NOMO3: variants seen among roughly 807,000 people sequenced by gnomAD.
The protein encoded by NOMO3 is BOS complex subunit NOMO3.
In NOMO3, 15 loss-of-function variants were observed where a neutral mutation model predicts 69.9. The observed-to-expected ratio is 0.21, with a 90% CI of 0.14 to 0.33. The LOEUF is 0.33. Ranked by LOEUF, NOMO3 falls within the 10% of genes least tolerant of loss-of-function variation. The pLI is 1.00. For missense variants in NOMO3, 218 were observed against 761.0 expected, an observed-to-expected ratio of 0.29 and a Z score of 8.39; for synonymous variants, 89 against 301.9, an observed-to-expected ratio of 0.29 and a Z score of 7.31.
chr16:16,234,019 A>G (rs2049304715), intron 1 of NOMO3, among the ~76,000 whole-genome samples: 1 of 150,002 alleles, frequency 6.7e-6, no homozygotes, highest in Non-Finnish European at 1.5e-5. Context: ...CAGCAGATAC[A>G]TTTCTTTAAC....
Position 16,263,106 on chromosome 16 carries a change from G to A in NOMO3, c.1428G>A (p.Gly476=), listed in dbSNP as rs765096408. 37 of 1,594,306 alleles carry A rather than the reference G, an allele frequency of 2.3e-5. 1 individual carries two copies. Among genetic ancestry groups the A allele is most frequent in the Non-Finnish European group, 3.1e-5 (36 of 1,177,698 alleles). The stretch of plus-strand genomic sequence containing the variant: ...TTCCTGAGGCAGAAACCAGAGCAGG[G>A]CTGACGTTGAAACCCCAGACATTTC... ...VMVPEAETRA[G]LTLKPQTFPL... The change falls in exon 13 of 31, where the codon GGG becomes GGA. Residue 476 remains glycine (G), a synonymous_variant. Coordinates refer to ENST00000399336, the MANE Select transcript of NOMO3 (RefSeq NM_001004067.4).
chr16:16,259,464 C>T (rs2049545981), intron 11 of NOMO3, among the ~76,000 whole-genome samples: 1 of 137,010 alleles, frequency 7.3e-6, no homozygotes, highest in Non-Finnish European at 1.5e-5. Flanking sequence ...TTCTCCTGCC[C>T]CAGCCTCCTG....
chr16:16,263,801 C>G (rs2049586551), intron 14 of NOMO3, among the ~76,000 whole-genome samples, 157 bp downstream of exon 14: 1 of 45,164 alleles, frequency 2.2e-5, no homozygotes, highest in Non-Finnish European at 4.4e-5. Flanking sequence ...TAGCGTTGGA[C>G]AAGCATGGAG....
At chr16:16,234,914 G>A (rs7206386) in intron 1 of NOMO3, among the ~76,000 whole-genome samples, 148,949 of 152,012 alleles carry the variant, frequency 0.98, 73,041 homozygotes, top group East Asian at 1. Flanking sequence ...AAAGCCAGCC[G>A]ATCTTTAGGC....
chr16:16,237,304 C>T (rs1186483714), intron 2 of NOMO3, among the ~76,000 whole-genome samples: 6 of 144,184 alleles, frequency 4.2e-5, no homozygotes, highest in Non-Finnish European at 8.9e-5. Context: ...GTGCTGCCTA[C>T]GACAGCCCAG....
intron 11 of NOMO3, among the ~76,000 whole-genome samples, chr16:16,260,505 A>G (rs399351): frequency 4.9e-5 from 7 of 143,104 alleles, no homozygotes; most frequent in Non-Finnish European, 1.0e-4. Context: ...TGTTTTTCAT[A>G]ATTCCTAGAT....
chr16:16,253,431 T>G, intron 9 of NOMO3, among the ~76,000 whole-genome samples: 2 of 125,634 alleles, frequency 1.6e-5, no homozygotes, highest in Non-Finnish European at 3.1e-5. Context: ...GAGGCAGGAG[T>G]GTGCTGAAGG....
intron 15 of NOMO3, among the ~76,000 whole-genome samples, chr16:16,265,651 T>G (rs959598491): frequency 6.3e-5 from 2 of 31,754 alleles, no homozygotes; most frequent in African/African-American, 2.5e-4. Flanking sequence ...TATATATATA[T>G]ATATATATAT....
At chr16:16,234,570 A>C (rs1213837280) in intron 1 of NOMO3, among the ~76,000 whole-genome samples, 3 of 139,878 alleles carry the variant, frequency 2.1e-5, no homozygotes, top group Non-Finnish European at 4.6e-5. Flanking sequence ...AGAAACAATC[A>C]TGATATTTCA....
In NOMO3 at chr16:16,265,441, T is replaced by C. The variant is rs55794226; in HGVS notation, c.1806+262T>C. Among the ~76,000 whole-genome samples, 279 of 130,156 alleles carry C rather than the reference T, an allele frequency of 2.1e-3. 1 individual carries two copies. The highest frequency in any genetic ancestry group is 5.6e-3 in the African/African-American group (156 of 28,028). 85.4% of individuals were successfully genotyped at this position (130,156 alleles called of 152,430 possible). A position where few individuals can be genotyped will look rare whatever the true frequency, so the allele number is the denominator to read the frequency against. Reference sequence around the variant, plus strand: ...ATTCGGGGTGACCTTTGGTACAGTGTAGAGCACACTGGCTTTATATTATTA... The same window carrying C: ...ATTCGGGGTGACCTTTGGTACAGTGCAGAGCACACTGGCTTTATATTATTA... On this transcript the variant is annotated intron_variant, in intron 15 of 30. Transcript: ENST00000399336.
At chr16:16,248,065 CATTT>C (rs1295652804) in intron 6 of NOMO3, among the ~76,000 whole-genome samples, 3 of 97,376 alleles carry the variant, frequency 3.1e-5, no homozygotes, top group Non-Finnish European at 3.7e-5. Flanking sequence ...TTGTGATAAT[CATTT>C]ATGGATACAG....
rs766069098 is a variant in NOMO3, at chr16:16,263,189, C to T, written c.1511C>T (p.Ser504Leu). 10 of 1,592,978 alleles carry T rather than the reference C, an allele frequency of 6.3e-6. 2 individuals are homozygous for T. In the Admixed American group the frequency reaches 1.5e-4, roughly 24 times the overall value. The change falls in exon 13 of 31, where the codon TCA (serine) becomes TTA (leucine). Residue 504 changes from serine to leucine, a missense_variant. Ser to Leu is a moderately radical substitution (Grantham distance 145, BLOSUM62 -2). Transcript: ENST00000399336. ...MDVAFVQFLASVSGKVSCLDT... is the reference protein window; with the variant it reads ...MDVAFVQFLALVSGKVSCLDT... ...GTGGCCTTTGTACAGTTCTTGGCATCAGTTTCTGGGAAAGTCTCTTGTTTG... is the reference window on the plus strand; with the variant it reads ...GTGGCCTTTGTACAGTTCTTGGCATTAGTTTCTGGGAAAGTCTCTTGTTTG...
chr16:16,248,768 AGTCTT>A (rs2141251131), intron 6 of NOMO3, among the ~76,000 whole-genome samples: 1 of 152,048 alleles, frequency 6.6e-6, no homozygotes, highest in East Asian at 1.9e-4. Flanking sequence ...GGGAGGATAC[AGTCTT>A]ATGTAGAAAA....
In NOMO3 at chr16:16,255,957, A is replaced by T. The variant is rs954572188; in HGVS notation, c.1070-51A>T. On this transcript the variant is annotated intron_variant, in intron 10 of 30. Transcript: ENST00000399336. ...CAAGTATTCTGGTGTACATGTAAGG[A>T]TACACTGTTGTTTTTGGCTTATCTT... is the stretch of plus-strand genomic sequence containing the variant. 4 of 1,571,912 alleles carry T rather than the reference A, an allele frequency of 2.5e-6. 1 individual carries two copies. In the African/African-American group the frequency reaches 5.1e-5, roughly 20 times the overall value.
At chr16:16,265,671 T>TATATATA (rs1441759344) in intron 15 of NOMO3, among the ~76,000 whole-genome samples, 1 of 11,552 alleles carries the variant, frequency 8.7e-5, no homozygotes, top group Non-Finnish European at 1.4e-4. Flanking sequence ...TATATATATA[T>TATATATA]TTTTTTTTTT....
chr16:16,239,177 A>G (rs2049355015), intron 2 of NOMO3, among the ~76,000 whole-genome samples: 2 of 144,014 alleles, frequency 1.4e-5, no homozygotes, highest in South Asian at 4.4e-4. Flanking sequence ...TAGAGACAGG[A>G]TCCCCTTCCG....
At chr16:16,268,784 C>G (rs1388001835) in intron 16 of NOMO3, among the ~76,000 whole-genome samples, 1 of 142,964 alleles carries the variant, frequency 7.0e-6, no homozygotes, top group Admixed American at 6.7e-5. Flanking sequence ...CCTTTCCCTT[C>G]TATTTTTTGC....
chr16:16,235,265 C>T (rs891066136), intron 1 of NOMO3, among the ~76,000 whole-genome samples: 2 of 150,932 alleles, frequency 1.3e-5, no homozygotes, highest in South Asian at 2.1e-4. Flanking sequence ...TGTTTCATAG[C>T]GGCTCGTGTC....
intron 2 of NOMO3, among the ~76,000 whole-genome samples, chr16:16,237,962 G>A (rs1316633330): frequency 6.9e-6 from 1 of 144,104 alleles, no homozygotes; most frequent in Non-Finnish European, 1.5e-5. Flanking sequence ...AAGCACACAT[G>A]CACATCGATA....
Sources: allele counts gnomAD v4.1 joint callset (sites outside exome capture counted in the v4.1 genomes callset), GRCh38; gene constraint gnomAD v4.1.1; transcripts MANE v1.5; gene names NCBI Gene and HGNC (gene_info 2026-07-23, HGNC 2026-07-21).